Variants in IQCM observed in about 807,000 individuals in gnomAD.
IQCM encodes IQ domain-containing protein M.
A neutral mutation model predicts 57.6 loss-of-function variants in IQCM; 45 were observed. The ratio of observed to expected loss-of-function variants is 0.78; its 90% CI spans 0.62 to 1.00. The LOEUF is 1.00. IQCM is among the 50% of genes least tolerant of loss of function. The pLI is 0.00. For synonymous variants in IQCM, 148 were observed against 158.9 expected (o/e 0.93, Z 0.51); for missense variants, 468 against 511.6 (o/e 0.91, Z 0.82).
At chr4:149,506,245 T>A (rs1743802268) in intron 12 of IQCM, among the ~76,000 whole-genome samples, 1 of 152,198 alleles carries the variant, frequency 6.6e-6, no homozygotes, top group East Asian at 1.9e-4. Context: ...ATTTTCTGGA[T>A]GGATGCTTGA....
intron 13 of IQCM, among the ~76,000 whole-genome samples, chr4:149,398,827 C>A (rs868499997): frequency 6.6e-6 from 1 of 152,054 alleles, no homozygotes; most frequent in Non-Finnish European, 1.5e-5. Context: ...CTGACTCATT[C>A]TCCTGAGCAG....
chr4:149,755,017 C>T (rs1768830029), intron 2 of IQCM, among the ~76,000 whole-genome samples: 1 of 152,174 alleles, frequency 6.6e-6, no homozygotes, highest in Non-Finnish European at 1.5e-5. Context: ...ATCTTTGGCT[C>T]TTCTCTGTTT....
intron 12 of IQCM, among the ~76,000 whole-genome samples, chr4:149,538,757 A>C (rs988780381): frequency 6.6e-5 from 10 of 151,916 alleles, no homozygotes; most frequent in African/African-American, 2.2e-4. Flanking sequence ...ACAAGCAAAA[A>C]CTTCTTAGAT....
intron 13 of IQCM, among the ~76,000 whole-genome samples, chr4:149,425,809 G>A (rs947790049): frequency 6.6e-6 from 1 of 151,892 alleles, no homozygotes; most frequent in African/African-American, 2.4e-5. Flanking sequence ...CTGTGAAGCT[G>A]TCCAACCCTG....
intron 10 of IQCM, among the ~76,000 whole-genome samples, chr4:149,563,427 A>T (rs1412885920): frequency 6.6e-6 from 1 of 152,182 alleles, no homozygotes; most frequent in Non-Finnish European, 1.5e-5. Context: ...TAAAGTATGT[A>T]CACTAAAAAT....
intron 2 of IQCM, among the ~76,000 whole-genome samples, chr4:149,771,377 C>A (rs1365689953): frequency 6.6e-6 from 1 of 151,990 alleles, no homozygotes; most frequent in Non-Finnish European, 1.5e-5. Flanking sequence ...ACAAAGACGG[C>A]CTTAAAATAG....
chr4:149,354,154 G>C (rs1560765989), intron 13 of IQCM, among the ~76,000 whole-genome samples: 2 of 151,220 alleles, frequency 1.3e-5, no homozygotes, highest in Non-Finnish European at 2.9e-5. Flanking sequence ...CACGAGGTCA[G>C]GAGATCGAGA....
intron 12 of IQCM, among the ~76,000 whole-genome samples, chr4:149,513,517 T>C (rs1404989229): frequency 6.6e-6 from 1 of 152,338 alleles, no homozygotes; most frequent in African/African-American, 2.4e-5. Context: ...AAGCTAATTT[T>C]CCAAAATTAT....
At chr4:149,363,262 C>A (rs115689286) in intron 13 of IQCM, among the ~76,000 whole-genome samples, 1 of 152,150 alleles carries the variant, frequency 6.6e-6, no homozygotes, top group African/African-American at 2.4e-5. Context: ...GTGGCAACAG[C>A]AGCAGCAAGA....
At chr4:149,473,893 C>T (rs1185583027) in intron 12 of IQCM, among the ~76,000 whole-genome samples, 1 of 152,126 alleles carries the variant, frequency 6.6e-6, no homozygotes, top group Non-Finnish European at 1.5e-5. Flanking sequence ...CCAAACACCG[C>T]ATGTTCTCAC....
intron 5 of IQCM, among the ~76,000 whole-genome samples, chr4:149,712,688 C>G (rs769191383): frequency 1.3e-5 from 2 of 152,120 alleles, no homozygotes; most frequent in Non-Finnish European, 2.9e-5. Context: ...ACAAACCAAT[C>G]TGATGGAAGG....
intron 2 of IQCM, among the ~76,000 whole-genome samples, chr4:149,764,746 TG>T (rs1769878218): frequency 6.6e-6 from 1 of 152,126 alleles, no homozygotes; most frequent in Admixed American, 6.5e-5. Flanking sequence ...ACCTCATAGC[TG>T]GATAGAAAAG....
At chr4:149,689,503 C>A (rs541814390) in intron 5 of IQCM, among the ~76,000 whole-genome samples, 1 of 151,964 alleles carries the variant, frequency 6.6e-6, no homozygotes, top group South Asian at 2.1e-4. Flanking sequence ...TGTAACAAAC[C>A]TGCACATTCT....
intron 2 of IQCM, among the ~76,000 whole-genome samples, chr4:149,804,949 C>T (rs1773935656): frequency 6.6e-6 from 1 of 152,006 alleles, no homozygotes; most frequent in Non-Finnish European, 1.5e-5. Flanking sequence ...TAGGATGCAA[C>T]CTGCTGGGAA....
intron 5 of IQCM, among the ~76,000 whole-genome samples, chr4:149,705,962 T>A (rs746649870): frequency 6.6e-6 from 1 of 151,914 alleles, no homozygotes; most frequent in Non-Finnish European, 1.5e-5. Context: ...AACTTGGTAA[T>A]ATACAGTACT....
intron 7 of IQCM, among the ~76,000 whole-genome samples, chr4:149,680,878 C>T (rs1198005271): frequency 6.6e-6 from 1 of 151,292 alleles, no homozygotes; most frequent in East Asian, 1.9e-4. Flanking sequence ...GGTCTAGCTC[C>T]TGTATATAAG....
At chr4:149,572,224 T>C (rs1751226377) in intron 9 of IQCM, among the ~76,000 whole-genome samples, 1 of 152,036 alleles carries the variant, frequency 6.6e-6, no homozygotes, top group African/African-American at 2.4e-5. Flanking sequence ...GGTTTATACT[T>C]ATTTTCTGGA....
intron 5 of IQCM, among the ~76,000 whole-genome samples, chr4:149,704,802 A>G (rs1457544807): frequency 6.6e-6 from 1 of 151,910 alleles, no homozygotes; most frequent in African/African-American, 2.4e-5. Flanking sequence ...TTGAATCGGT[A>G]GACTGGATAA....
chr4:149,584,286 T>G (rs995596665), intron 9 of IQCM, among the ~76,000 whole-genome samples: 8 of 151,644 alleles, frequency 5.3e-5, no homozygotes, highest in Non-Finnish European at 1.0e-4. Flanking sequence ...TTTCAGAAAC[T>G]TATGGAGTTC....
Sources: gnomAD v4.1 joint callset for allele counts (sites outside exome capture counted in the v4.1 genomes callset) on GRCh38, gnomAD v4.1.1 for gene constraint, MANE v1.5 for transcripts, NCBI Gene and HGNC (gene_info 2026-07-23, HGNC 2026-07-21) for gene names.